Variants in TTLL11 observed in about 807,000 individuals in gnomAD.
TTLL11 encodes the protein tubulin polyglutamylase TTLL11.
A neutral mutation model predicts 51.7 loss-of-function variants in TTLL11; 42 were observed. The observed-to-expected ratio is 0.81, with a 90% CI of 0.64 to 1.05. The LOEUF is 1.05. Among genes scored for constraint, TTLL11 ranks in the 50% least tolerant of loss-of-function variants. TTLL11 has a pLI of 0.00. For missense variants in TTLL11, 799 were observed against 940.4 expected (o/e 0.85, Z 1.97); for synonymous variants, 381 against 383.5 (o/e 0.99, Z 0.08).
chr9:121,978,714 T>C lies in TTLL11; in HGVS notation c.1270-3735A>G, dbSNP rs554184525. 2.3e-4 allele frequency among the ~76,000 whole-genome samples: 35 copies of C among 152,278 alleles called. 2 individuals carry two copies. The South Asian group carries it at 7.3e-3, about 32-fold the overall frequency. The stretch of plus-strand genomic sequence containing the variant: ...ATATCTGTCCTTCATTCCCGACCTC[T>C]AGAAGCTTCAAATCAAGTTGGGGAG... On this transcript the variant is annotated intron_variant, in intron 4 of 8. Transcript: ENST00000321582.
At chr9:122,025,038 A>G (rs1844289048) in intron 3 of TTLL11, among the ~76,000 whole-genome samples, 1 of 152,150 alleles carries the variant, frequency 6.6e-6, no homozygotes, top group Non-Finnish European at 1.5e-5. Flanking sequence ...ATTAAAAATT[A>G]AAAAATAAAA....
chr9:121,985,503 A>ATTTT (rs1842919124), intron 4 of TTLL11, among the ~76,000 whole-genome samples: 26 of 134,356 alleles, frequency 1.9e-4, no homozygotes, highest in African/African-American at 4.9e-4. Context: ...AAAGGATACC[A>ATTTT]TTTTCTTTTC....
intron 6 of TTLL11, among the ~76,000 whole-genome samples, chr9:121,888,484 G>C (rs968476014): frequency 6.6e-6 from 1 of 152,224 alleles, no homozygotes; most frequent in African/African-American, 2.4e-5. Flanking sequence ...CTTTGGGCCA[G>C]TTCAGCTCTT....
At chr9:121,852,142 G>A (rs1007975279) in intron 8 of TTLL11, among the ~76,000 whole-genome samples, 10 of 152,224 alleles carry the variant, frequency 6.6e-5, no homozygotes, top group Admixed American at 3.3e-4. Context: ...TCACGGTAGA[G>A]CTCACTGGGA....
At chr9:122,087,765 G>A (rs900154884) in intron 1 of TTLL11, among the ~76,000 whole-genome samples, 1 of 152,162 alleles carries the variant, frequency 6.6e-6, no homozygotes, top group Non-Finnish European at 1.5e-5. Context: ...CATGGGAGAT[G>A]GGGAGTCTTC....
chr9:121,859,944 C>A (rs1187399550), intron 8 of TTLL11, among the ~76,000 whole-genome samples: 1 of 152,228 alleles, frequency 6.6e-6, no homozygotes, highest in Non-Finnish European at 1.5e-5. Context: ...ATCCTACTAC[C>A]TAGCATCATT....
intron 1 of TTLL11, among the ~76,000 whole-genome samples, chr9:122,068,157 A>G (rs527486870): frequency 1.3e-5 from 2 of 152,382 alleles, no homozygotes; most frequent in South Asian, 4.1e-4. Flanking sequence ...AGGATGCAGT[A>G]AATCAATATA....
At chr9:122,041,184 C>T (rs1844836662) in intron 1 of TTLL11, among the ~76,000 whole-genome samples, 1 of 152,190 alleles carries the variant, frequency 6.6e-6, no homozygotes, top group African/African-American at 2.4e-5. Context: ...CATGTCCATT[C>T]ACTCAGTAAT....
chr9:122,031,092 T>C (rs1285715883), intron 3 of TTLL11, among the ~76,000 whole-genome samples: 2 of 152,214 alleles, frequency 1.3e-5, no homozygotes, highest in African/African-American at 4.8e-5. Context: ...ACTGTGAAAC[T>C]TGTACACAAA....
At chr9:121,940,478 T>C (rs1047769688) in intron 6 of TTLL11, among the ~76,000 whole-genome samples, 2 of 152,022 alleles carry the variant, frequency 1.3e-5, no homozygotes, top group Non-Finnish European at 2.9e-5. Context: ...GTTGGAACTA[T>C]AGGCACACGC....
At chr9:122,037,967 G>A (rs1447383361) in intron 2 of TTLL11, among the ~76,000 whole-genome samples, 4 of 152,132 alleles carry the variant, frequency 2.6e-5, no homozygotes, top group Non-Finnish European at 4.4e-5. Flanking sequence ...TCTTAAAGAC[G>A]TGGGATAGAA....
intron 8 of TTLL11, among the ~76,000 whole-genome samples, chr9:121,845,453 G>A (rs570464230): frequency 5.9e-5 from 9 of 152,256 alleles, no homozygotes; most frequent in Non-Finnish European, 1.2e-4. Context: ...CAGAGACTCA[G>A]ATCTACATAA....
intron 8 of TTLL11, among the ~76,000 whole-genome samples, chr9:121,839,478 G>A (rs374989693): frequency 2.6e-5 from 4 of 152,154 alleles, no homozygotes; most frequent in African/African-American, 4.8e-5. Flanking sequence ...TACCCTGCCC[G>A]GCTCTGGGGG....
intron 8 of TTLL11, among the ~76,000 whole-genome samples, chr9:121,824,516 TAGAG>T (rs1429878913): frequency 6.7e-6 from 1 of 149,726 alleles, no homozygotes; most frequent in Non-Finnish European, 1.5e-5. Context: ...AAGAAACTGA[TAGAG>T]AGGTTAAGTA....
At chr9:121,924,602 G>A (rs1840654936) in intron 6 of TTLL11, among the ~76,000 whole-genome samples, 1 of 152,074 alleles carries the variant, frequency 6.6e-6, no homozygotes, top group Admixed American at 6.6e-5. Context: ...AAAGAAGCTG[G>A]AGGACAGAGG....
chr9:121,964,575 G>T (rs1842343235), intron 6 of TTLL11, among the ~76,000 whole-genome samples: 1 of 152,152 alleles, frequency 6.6e-6, no homozygotes, highest in Non-Finnish European at 1.5e-5. Context: ...GGGATTACAG[G>T]TGTGAGCCAC....
intron 8 of TTLL11, among the ~76,000 whole-genome samples, chr9:121,855,744 T>C (rs1469689037): frequency 6.6e-6 from 1 of 152,208 alleles, no homozygotes; most frequent in Non-Finnish European, 1.5e-5. Context: ...GCATCTTTTA[T>C]TTTTGCATTT....
chr9:121,832,867 G>A (rs182179164), intron 8 of TTLL11, among the ~76,000 whole-genome samples: 27 of 152,328 alleles, frequency 1.8e-4, no homozygotes, highest in African/African-American at 6.5e-4. Context: ...TTTAACCCAG[G>A]AGGCGGATGT....
chr9:121,999,765 T>C (rs1229982474), intron 3 of TTLL11, among the ~76,000 whole-genome samples: 1 of 152,204 alleles, frequency 6.6e-6, no homozygotes, highest in East Asian at 1.9e-4. Flanking sequence ...CACATTTGCA[T>C]GTGATTCAAC....
Sources: allele counts gnomAD v4.1 joint callset (sites outside exome capture counted in the v4.1 genomes callset), GRCh38; gene constraint gnomAD v4.1.1; transcripts MANE v1.5; gene names NCBI Gene and HGNC (gene_info 2026-07-23, HGNC 2026-07-21).